PODXL2: variants seen among roughly 807,000 people sequenced by gnomAD.
PODXL2 encodes the protein podocalyxin-like protein 2.
A neutral mutation model predicts 53.4 loss-of-function variants in PODXL2; 17 were observed. That is an observed-to-expected ratio of 0.32 (90% CI 0.22 to 0.48). The LOEUF (loss-of-function observed/expected upper bound fraction) is 0.48. Ranked by LOEUF, PODXL2 falls within the 20% of genes least tolerant of loss-of-function variation. The probability of loss-of-function intolerance (pLI) is 0.99; values close to 1 mark genes in which losing one functional copy is unlikely to be tolerated. For missense variants in PODXL2, 673 were observed against 760.0 expected (o/e 0.89, Z 1.35); for synonymous variants, 311 against 306.7 (o/e 1.01, Z -0.15).
chr3:127,668,101 CGTGTGTGTGT>C (rs55716588), intron 4 of PODXL2, among the ~76,000 whole-genome samples: 240 of 145,782 alleles, frequency 1.6e-3, no homozygotes, highest in South Asian at 5.4e-3. Context: ...TACATGGCTG[CGTGTGTGTGT>C]GTGTGTGTGT....
In PODXL2 at chr3:127,644,978, A is replaced by G. The variant is rs116557421; in HGVS notation, c.349+5455A>G. On this transcript the variant is annotated intron_variant, in intron 2 of 7. Transcript: ENST00000342480. ...CTCAGGTCAATCTCTTCTCTGTACT[A>G]CCTGACCATGATCCTGTGAAAAAAC... is the stretch of plus-strand genomic sequence containing the variant. Among the ~76,000 whole-genome samples, 952 of 152,286 alleles carry G rather than the reference A, an allele frequency of 6.3e-3. 13 individuals are homozygous for G. Among genetic ancestry groups the G allele is most frequent in the African/African-American group, 0.022 (910 of 41,560 alleles).
At chr3:127,671,245 G>T (rs950350533) in intron 6 of PODXL2, among the ~76,000 whole-genome samples, 189 bp from the exon 7 acceptor site, 1 of 152,104 alleles carries the variant, frequency 6.6e-6, no homozygotes, top group Non-Finnish European at 1.5e-5. Context: ...AGGCCTCCAG[G>T]TGTACTGAGG....
intron 6 of PODXL2, 79 bp from the exon 7 acceptor site, chr3:127,671,355 C>T (rs557560380): frequency 2.7e-5 from 37 of 1,350,618 alleles, no homozygotes; most frequent in South Asian, 1.1e-4. Context: ...CATCCCCACC[C>T]GAGCCCAATG....
chr3:127,644,300 G>A (rs1220547501), intron 2 of PODXL2, among the ~76,000 whole-genome samples: 1 of 151,846 alleles, frequency 6.6e-6, no homozygotes, highest in African/African-American at 2.4e-5. Context: ...AGTAGAGGTG[G>A]GTTTTACCGT....
At position 127,669,707 on chromosome 3, in the gene PODXL2, C is replaced by T. The variant is rs531632737; in HGVS notation, c.1425+505C>T. ...CCTGCGCTCCTGCTGCGGTGAGATG[C>T]GGCGCCTGGGGGCCAGGAGGCAGCC... On this transcript the variant is annotated intron_variant, in intron 6 of 7. Transcript: ENST00000342480. Among the ~76,000 whole-genome samples the T allele has an allele frequency of 2.0e-5, 3 of 152,322 alleles. No homozygotes were observed. In the South Asian group the frequency reaches 6.2e-4, roughly 32 times the overall value.
At chr3:127,649,369 A>G (rs1042248861) in intron 2 of PODXL2, among the ~76,000 whole-genome samples, 1 of 152,244 alleles carries the variant, frequency 6.6e-6, no homozygotes, top group African/African-American at 2.4e-5. Context: ...CTATAAAGCC[A>G]CATGACTGTG....
chr3:127,661,596 C>T (rs1376459568), intron 3 of PODXL2, among the ~76,000 whole-genome samples: 1 of 152,086 alleles, frequency 6.6e-6, no homozygotes, highest in Non-Finnish European at 1.5e-5. Context: ...GCCACCATGC[C>T]TGGCTAATTT....
chr3:127,649,215 G>A (rs2074674293), intron 2 of PODXL2, among the ~76,000 whole-genome samples: 3 of 152,062 alleles, frequency 2.0e-5, no homozygotes, highest in Admixed American at 2.0e-4. Context: ...CTCTTTCCAA[G>A]CCAGCACACA....
At chr3:127,671,363 A>C (rs576041307) in intron 6 of PODXL2, 71 bp from the exon 7 acceptor site, 2 of 1,471,756 alleles carry the variant, frequency 1.4e-6, no homozygotes, top group African/African-American at 2.8e-5. Flanking sequence ...CCCGAGCCCA[A>C]TGCAACCACC....
chr3:127,635,574 C>A (rs775932850), intron 1 of PODXL2, among the ~76,000 whole-genome samples: 20 of 152,144 alleles, frequency 1.3e-4, no homozygotes, highest in Admixed American at 2.0e-4. Context: ...TAAATCACCC[C>A]AAAATTTAGT....
At chr3:127,634,704 C>A (rs570314986) in intron 1 of PODXL2, among the ~76,000 whole-genome samples, 6 of 151,834 alleles carry the variant, frequency 4.0e-5, no homozygotes, top group Non-Finnish European at 7.4e-5. Flanking sequence ...CCAGCCTGGG[C>A]GACAAGAGTG....
chr3:127,644,076 A>T (rs1316720817), intron 2 of PODXL2, among the ~76,000 whole-genome samples: 2 of 152,088 alleles, frequency 1.3e-5, no homozygotes, highest in Non-Finnish European at 2.9e-5. Flanking sequence ...TCCATTGATA[A>T]ATCTGTCCTC....
In PODXL2 at chr3:127,652,191, A is replaced by G. The variant is rs1016683976; in HGVS notation, c.350-8187A>G. Among the ~76,000 whole-genome samples the G allele has an allele frequency of 2.6e-5, 4 of 152,376 alleles. No individual in the cohort carries two copies. In the South Asian group the frequency reaches 8.3e-4, roughly 32 times the overall value. The stretch of plus-strand genomic sequence containing the variant: ...TCTAGCATCACAACTTAGAGCAAGA[A>G]TCCTCCTCTCCTGGGCTCCCTCATG... On this transcript the variant is annotated intron_variant, in intron 2 of 7. Coordinates refer to ENST00000342480, the MANE Select transcript of PODXL2 (RefSeq NM_015720.4).
intron 2 of PODXL2, among the ~76,000 whole-genome samples, chr3:127,650,730 C>T (rs2074683428): frequency 6.6e-6 from 1 of 152,116 alleles, no homozygotes; most frequent in Non-Finnish European, 1.5e-5. Flanking sequence ...GATCTCGGCT[C>T]ACTGCAAGCC....
intron 2 of PODXL2, among the ~76,000 whole-genome samples, chr3:127,644,849 G>T (rs959838502): frequency 6.6e-6 from 1 of 152,014 alleles, no homozygotes; most frequent in Non-Finnish European, 1.5e-5. Context: ...GGCAGAGGAG[G>T]TGCAGGGAGG....
chr3:127,661,673 G>A (rs2074768690), intron 3 of PODXL2, among the ~76,000 whole-genome samples: 1 of 152,134 alleles, frequency 6.6e-6, no homozygotes, highest in Non-Finnish European at 1.5e-5. Flanking sequence ...CTGACTTCAA[G>A]TGATCCACCC....
At chr3:127,653,769 G>C (rs186395068) in intron 2 of PODXL2, among the ~76,000 whole-genome samples, 11 of 152,206 alleles carry the variant, frequency 7.2e-5, no homozygotes. Context: ...TCCACCCCTT[G>C]CTCGGACTCC....
In PODXL2 at chr3:127,669,058, T is replaced by C. The variant is rs571285668; in HGVS notation, c.1364-83T>C. 203 of 839,718 alleles carry C rather than the reference T, an allele frequency of 2.4e-4. 1 individual carries two copies. The highest frequency in any genetic ancestry group is 3.6e-4 in the Non-Finnish European group (193 of 532,384). The allele number at this position is 839,718 out of a possible 1,614,324, so 52.0% of individuals were successfully genotyped here. On this transcript the variant is annotated intron_variant, in intron 5 of 7. Transcript: ENST00000342480. ...AAGGGAGACAGAGGCTCAGGCCAGC[T>C]GTTGGAGAGCGGGGCCAGAGCCCTT...
At chr3:127,662,338 G>T in intron 4 of PODXL2, 27 bp downstream of exon 4, 4 of 1,583,830 alleles carry the variant, frequency 2.5e-6, no homozygotes, top group Non-Finnish European at 3.5e-6. Context: ...GCTCCGAACC[G>T]CAGGGAAAGG....
Sources: gnomAD v4.1 joint callset for allele counts (sites outside exome capture counted in the v4.1 genomes callset) on GRCh38, gnomAD v4.1.1 for gene constraint, MANE v1.5 for transcripts, NCBI Gene and HGNC (gene_info 2026-07-23, HGNC 2026-07-21) for gene names.